CD84: variants seen among roughly 807,000 people sequenced by gnomAD.
The protein encoded by CD84 is SLAM family member 5.
CD84 carries 22 observed loss-of-function variants against 33.8 expected under a neutral mutation model. The observed-to-expected ratio is 0.65, with a 90% CI of 0.46 to 0.93. The LOEUF (loss-of-function observed/expected upper bound fraction) is 0.93, where lower values mean the gene tolerates loss of function less well. Among genes scored for constraint, CD84 ranks in the 40% least tolerant of loss-of-function variants. CD84 has a pLI of 0.00. For synonymous variants in CD84, 154 were observed against 145.2 expected, an observed-to-expected ratio of 1.06 and a Z score of -0.44; for missense variants, 400 against 397.6, an observed-to-expected ratio of 1.01 and a Z score of -0.05.
At position 160,546,633 on chromosome 1, in the gene CD84, T is replaced by C. The variant is rs1043048862; in HGVS notation, c.*1623A>G. 6.6e-6 allele frequency: 1 copy of C among 152,506 alleles called. No individual in the cohort carries two copies. Among genetic ancestry groups the C allele is most frequent in the Non-Finnish European group, 1.5e-5 (1 of 68,276 alleles). 9.4% of individuals were successfully genotyped at this position (152,506 alleles called of 1,614,324 possible). On this transcript the variant is annotated 3_prime_UTR_variant, in exon 7 of 7. Coordinates refer to ENST00000368054, the MANE Select transcript of CD84 (RefSeq NM_003874.4). ...CCCACTGATCCAGGCCCCTGCTCAT[T>C]TTTCATGCTTCTCTCACTTGGAGGC...
Position 160,545,301 on chromosome 1 carries a change from G to A in CD84, c.*2955C>T, listed in dbSNP as rs140974032. 2.6e-5 allele frequency: 4 copies of A among 152,352 alleles called. No individual in the cohort carries two copies. The East Asian group carries it at 5.8e-4, about 22-fold the overall frequency. The allele number at this position is 152,352 out of a possible 1,614,324, so 9.4% of individuals were successfully genotyped here. ...AGGACACTAGTAATTTTACTTGAGT[G>A]AGCATATTAGGAAGAGGAAGAGGGC... On this transcript the variant is annotated 3_prime_UTR_variant, in exon 7 of 7. Coordinates refer to ENST00000368054, the MANE Select transcript of CD84 (RefSeq NM_003874.4).
Position 160,565,522 on chromosome 1 carries a change from C to T in CD84, c.270G>A (p.Pro90=), listed in dbSNP as rs1331379403. 8.1e-6 allele frequency: 13 copies of T among 1,613,850 alleles called. No homozygotes were observed. The highest frequency in any genetic ancestry group is 6.7e-5 in the Admixed American group (4 of 59,970). ...GATCGCTAATGACCAGATTGTAGTTCGGACCTAAGGCATGTATCCGTTCAT... is the reference window on the plus strand; with the variant it reads ...GATCGCTAATGACCAGATTGTAGTTTGGACCTAAGGCATGTATCCGTTCAT... The part of the protein sequence containing the change: ...NYYERIHALG[P]NYNLVISDLR... The change falls in exon 2 of 7, where the codon CCG becomes CCA. Residue 90 remains proline (P), a synonymous_variant. Coordinates refer to ENST00000368054, the MANE Select transcript of CD84 (RefSeq NM_003874.4).
Position 160,554,089 on chromosome 1 carries a change from C to G in CD84, c.446G>C (p.Cys149Ser), listed in dbSNP as rs1474561219. Residue 149 changes from cysteine to serine, a missense_variant, in exon 3 of 7, where the codon TGT becomes TCT. Physicochemically the swap from Cys to Ser is moderately radical, Grantham distance 112. Transcript: ENST00000368054. ...TACAGAGCATGTCAGTGTGACATTA[C>G]AGGTGCTGTTCACAGATGCCATTAA... is the stretch of plus-strand genomic sequence containing the variant. ...QSLMASVNSTCNVTLTCSVEK... is the reference protein window; with the variant it reads ...QSLMASVNSTSNVTLTCSVEK... 1 of 1,614,174 alleles carries G rather than the reference C, an allele frequency of 6.2e-7. No individual in the cohort carries two copies.
At chr1:160,558,045 G>A (rs997765149) in intron 2 of CD84, among the ~76,000 whole-genome samples, 1 of 152,210 alleles carries the variant, frequency 6.6e-6, no homozygotes, top group African/African-American at 2.4e-5. Context: ...CAACTCAGCT[G>A]TTCCAGCCTG....
chr1:160,544,955 T>C lies in CD84; in HGVS notation c.*3301A>G, dbSNP rs1165514075. 6.6e-6 allele frequency: 1 copy of C among 152,228 alleles called. No homozygotes were observed. The highest frequency in any genetic ancestry group is 1.5e-5 in the Non-Finnish European group (1 of 68,036). 9.4% of individuals were successfully genotyped at this position (152,228 alleles called of 1,614,324 possible). On this transcript the variant is annotated 3_prime_UTR_variant, in exon 7 of 7. Transcript: ENST00000368054. ...TCTGATACAAGATCCTGTTCCATGA[T>C]GCTTTGATTTTATAGACCTCTTGGT...
chr1:160,563,155 A>T (rs1389256751), intron 2 of CD84, among the ~76,000 whole-genome samples: 1 of 152,214 alleles, frequency 6.6e-6, no homozygotes, highest in African/African-American at 2.4e-5. Flanking sequence ...AGTGTAAATT[A>T]GTTAATTCCA....
intron 2 of CD84, 28 bp from the exon 3 acceptor site, chr1:160,554,174 G>T: frequency 6.3e-7 from 1 of 1,584,984 alleles, no homozygotes; most frequent in Non-Finnish European, 8.6e-7. Context: ...TGAGCCAATA[G>T]TGAGCTGGAG....
chr1:160,572,170 A>T (rs1657733348), intron 1 of CD84, among the ~76,000 whole-genome samples: 2 of 152,208 alleles, frequency 1.3e-5, no homozygotes, highest in African/African-American at 4.8e-5. Context: ...ACTTGACTAC[A>T]AGATGGGCTA....
chr1:160,576,544 A>G (rs866725980), intron 1 of CD84, among the ~76,000 whole-genome samples: 16 of 152,176 alleles, frequency 1.1e-4, no homozygotes, highest in African/African-American at 3.9e-4. Flanking sequence ...TCCTGTCTTG[A>G]CAGAAATAAA....
intron 4 of CD84, among the ~76,000 whole-genome samples, chr1:160,552,338 G>A (rs545046338): frequency 4.6e-5 from 7 of 152,258 alleles, no homozygotes; most frequent in South Asian, 2.1e-4. Flanking sequence ...TATGGCACAC[G>A]TCACAAATCC....
intron 1 of CD84, among the ~76,000 whole-genome samples, chr1:160,577,666 T>C (rs1557988513): frequency 2.0e-5 from 3 of 152,172 alleles, no homozygotes; most frequent in Non-Finnish European, 2.9e-5. Flanking sequence ...CTCTTCCTAA[T>C]AATGAATGAA....
chr1:160,564,993 A>C (rs763807989), intron 2 of CD84, among the ~76,000 whole-genome samples: 5 of 152,212 alleles, frequency 3.3e-5, no homozygotes, highest in Non-Finnish European at 5.9e-5. Flanking sequence ...GCAAGGTGTT[A>C]ACACAGGGTG....
Position 160,542,278 on chromosome 1 carries a change from T to A in CD84, c.*5978A>T, listed in dbSNP as rs1191227630. The A allele has an allele frequency of 2.0e-5, 3 of 152,364 alleles. No individual in the cohort carries two copies. Among genetic ancestry groups the A allele is most frequent in the Non-Finnish European group, 4.4e-5 (3 of 68,032 alleles). The allele number at this position is 152,364 out of a possible 1,614,324, so 9.4% of individuals were successfully genotyped here. On this transcript the variant is annotated 3_prime_UTR_variant, in exon 7 of 7. Transcript: ENST00000368054. ...GAGATTTAATGTTTCTTATGGACTT[T>A]AAATGAGTAAATGTAAAACAGGACA... is the stretch of plus-strand genomic sequence containing the variant.
At chr1:160,550,177 G>C (rs1420562760) in intron 5 of CD84, among the ~76,000 whole-genome samples, 198 bp from the exon 6 acceptor site, 1 of 151,824 alleles carries the variant, frequency 6.6e-6, no homozygotes. Flanking sequence ...TGAATGGGTA[G>C]CAGTTGGGCA....
At chr1:160,550,326 T>A (rs1433404803) in intron 5 of CD84, among the ~76,000 whole-genome samples, 1 of 152,054 alleles carries the variant, frequency 6.6e-6, no homozygotes, top group Non-Finnish European at 1.5e-5. Flanking sequence ...AGCGCTAGAC[T>A]GACCAGGCAG....
chr1:160,568,822 T>C (rs1657495617), intron 1 of CD84, among the ~76,000 whole-genome samples: 1 of 152,162 alleles, frequency 6.6e-6, no homozygotes, highest in Non-Finnish European at 1.5e-5. Context: ...GGTTTCACCA[T>C]GTTGGCCAGG....
At chr1:160,558,914 G>A (rs1299333430) in intron 2 of CD84, among the ~76,000 whole-genome samples, 2 of 151,834 alleles carry the variant, frequency 1.3e-5, no homozygotes, top group African/African-American at 2.4e-5. Flanking sequence ...AAATAAGACA[G>A]GCAGACAAGA....
intron 2 of CD84, among the ~76,000 whole-genome samples, chr1:160,559,868 T>TA (rs1248333211): frequency 3.3e-5 from 5 of 151,628 alleles, no homozygotes; most frequent in South Asian, 2.1e-4. Context: ...GCAACAAAGA[T>TA]AAAAAAAGAC....
At chr1:160,572,917 A>T (rs1657783041) in intron 1 of CD84, among the ~76,000 whole-genome samples, 1 of 152,170 alleles carries the variant, frequency 6.6e-6, no homozygotes, top group African/African-American at 2.4e-5. Flanking sequence ...GTGTTGAAAG[A>T]GATCACTGAG....
Sources: allele counts gnomAD v4.1 joint callset (sites outside exome capture counted in the v4.1 genomes callset), GRCh38; gene constraint gnomAD v4.1.1; transcripts MANE v1.5; gene names NCBI Gene and HGNC (gene_info 2026-07-23, HGNC 2026-07-21).